The following SLC17A6 variants were observed in gnomAD, a reference collection of about 807,000 sequenced individuals.
The protein encoded by SLC17A6 is solute carrier family 17 member 6.
A neutral mutation model predicts 67.1 loss-of-function variants in SLC17A6; 35 were observed. The ratio of observed to expected loss-of-function variants is 0.52; its 90% CI spans 0.40 to 0.69. The LOEUF is 0.69. Ranked by LOEUF, SLC17A6 falls within the 30% of genes least tolerant of loss-of-function variation. The probability of loss-of-function intolerance (pLI) is 0.00; values close to 1 mark genes in which losing one functional copy is unlikely to be tolerated. For synonymous variants in SLC17A6, 285 were observed against 252.3 expected (o/e 1.13, Z -1.23); for missense variants, 588 against 723.9 (o/e 0.81, Z 2.15).
intron 3 of SLC17A6, among the ~76,000 whole-genome samples, chr11:22,354,601 G>A (rs979388730): frequency 6.6e-6 from 1 of 152,054 alleles, no homozygotes; most frequent in Admixed American, 6.6e-5. Flanking sequence ...ATCTTTCAAA[G>A]TTTATGTTAT....
chr11:22,351,988 A>G (rs954908927), intron 3 of SLC17A6, among the ~76,000 whole-genome samples: 2 of 152,178 alleles, frequency 1.3e-5, no homozygotes, highest in Admixed American at 6.5e-5. Flanking sequence ...CTAGCATCAG[A>G]CCAAACAAAA....
rs768048274 is a variant in SLC17A6 at position 22,343,342 on chromosome 11, C to CG, written c.436dup (p.Ala146GlyfsTer46). The CG allele has an allele frequency of 6.2e-7, 1 of 1,611,118 alleles. No individual in the cohort carries two copies. The highest frequency in any genetic ancestry group is 8.5e-7 in the Non-Finnish European group (1 of 1,179,280). ...TCACTCAGATTCCGGGAGGCTACAT[C>CG]GCGTCTCGGCTGGCAGCCAACAGGT... On this transcript the variant is annotated frameshift_variant, in exon 3 of 12. Coordinates refer to ENST00000263160, the MANE Select transcript of SLC17A6 (RefSeq NM_020346.3). LOFTEE classifies it high-confidence loss of function.
chr11:22,375,155 G>A (rs1355078737), intron 9 of SLC17A6, among the ~76,000 whole-genome samples: 2 of 151,848 alleles, frequency 1.3e-5, no homozygotes, highest in African/African-American at 2.4e-5. Context: ...GGTGGATCAC[G>A]AGGTCAGGAG....
chr11:22,347,201 G>A (rs1340037450), intron 3 of SLC17A6, among the ~76,000 whole-genome samples: 1 of 150,318 alleles, frequency 6.7e-6, no homozygotes, highest in Admixed American at 6.6e-5. Context: ...ATAAATACTC[G>A]TTAAATAAAT....
intron 3 of SLC17A6, among the ~76,000 whole-genome samples, chr11:22,351,157 AAAT>A (rs1855933169): frequency 6.6e-6 from 1 of 152,168 alleles, no homozygotes; most frequent in Non-Finnish European, 1.5e-5. Flanking sequence ...GAATTGAATC[AAAT>A]AATAAGTATA....
chr11:22,365,638 G>A lies in SLC17A6; in HGVS notation c.840G>A (p.Arg280=), dbSNP rs1036744610. ...KHPTITDEER[R]YIEESIGESA... is the part of the protein sequence containing the mutation. Reference sequence around the variant, plus strand: ...CTACTATTACAGATGAAGAACGTAGGTACATAGAAGAAAGCATTGGAGAGA... The same window carrying A: ...CTACTATTACAGATGAAGAACGTAGATACATAGAAGAAAGCATTGGAGAGA... Residue 280 remains arginine, a synonymous_variant, in exon 7 of 12, where the codon AGG becomes AGA. Coordinates refer to ENST00000263160, the MANE Select transcript of SLC17A6 (RefSeq NM_020346.3). 1 of 1,613,904 alleles carries A rather than the reference G, an allele frequency of 6.2e-7. No homozygotes were observed. Among genetic ancestry groups the A allele is most frequent in the Non-Finnish European group, 8.5e-7 (1 of 1,179,866 alleles).
chr11:22,340,607 G>T (rs1376880525), intron 1 of SLC17A6, among the ~76,000 whole-genome samples: 1 of 152,148 alleles, frequency 6.6e-6, no homozygotes, highest in Non-Finnish European at 1.5e-5. Flanking sequence ...CGCATTTTGC[G>T]TCTTGGGAAA....
At chr11:22,343,136 T>A in intron 2 of SLC17A6, 111 bp from the exon 3 acceptor site, 1 of 859,772 alleles carries the variant, frequency 1.2e-6, no homozygotes, top group Non-Finnish European at 1.9e-6. Flanking sequence ...ATCCCCAGAA[T>A]GCATGAAGCG....
intron 3 of SLC17A6, 56 bp downstream of exon 3, chr11:22,343,421 G>A: frequency 6.9e-7 from 1 of 1,454,774 alleles, no homozygotes; most frequent in Non-Finnish European, 9.4e-7. Context: ...CCTCCGAAGG[G>A]GCAGCAGAAG....
intron 3 of SLC17A6, among the ~76,000 whole-genome samples, chr11:22,346,354 T>C (rs1233644146): frequency 1.3e-5 from 2 of 152,158 alleles, no homozygotes; most frequent in Non-Finnish European, 2.9e-5. Context: ...ACAGCCCCAC[T>C]CTTGGTCACA....
rs1010654082 is a variant in SLC17A6, at chr11:22,353,443, A to G, written c.459-5970A>G. 3.7e-4 allele frequency among the ~76,000 whole-genome samples: 56 copies of G among 152,350 alleles called. 1 individual carries two copies. The highest frequency in any genetic ancestry group is 1.3e-3 in the African/African-American group (56 of 41,590). On this transcript the variant is annotated intron_variant, in intron 3 of 11. Transcript: ENST00000263160. ...CCTACAAGGAACAGACTGAGAAATG[A>G]GGCTAAAAGAATTTAAGTAATGACA...
chr11:22,347,322 A>C (rs184159788), intron 3 of SLC17A6, among the ~76,000 whole-genome samples: 106 of 152,252 alleles, frequency 7.0e-4, no homozygotes, highest in Non-Finnish European at 1.4e-3. Flanking sequence ...TAAGTAACTG[A>C]ATGATATAAA....
At position 22,376,599 on chromosome 11, in the gene SLC17A6, G is replaced by A. The variant is rs745766971; in HGVS notation, c.1340G>A (p.Gly447Asp). ...CCAAGATATGCCAGTATCTTAATGG[G>A]CATTTCGAATGGTGTTGGCACATTG... is the stretch of plus-strand genomic sequence containing the variant. ...IAPRYASILMGISNGVGTLSG... is the reference protein window; with the variant it reads ...IAPRYASILMDISNGVGTLSG... The change falls in exon 11 of 12, where the codon GGC (glycine) becomes GAC (aspartate). Residue 447 changes from glycine (G) to aspartate (D), a missense_variant. Gly to Asp is a moderately conservative substitution (Grantham distance 94, BLOSUM62 -1). This residue lies in a region of SLC17A6 where 414 missense variants were observed against 563.4 expected (regional missense o/e 0.73). Transcript: ENST00000263160. 2 of 1,613,904 alleles carry A rather than the reference G, an allele frequency of 1.2e-6. No homozygotes were observed. Among genetic ancestry groups the A allele is most frequent in the Non-Finnish European group, 8.5e-7 (1 of 1,179,864 alleles).
chr11:22,344,316 A>G (rs1466533813), intron 3 of SLC17A6, among the ~76,000 whole-genome samples: 1 of 152,172 alleles, frequency 6.6e-6, no homozygotes, highest in East Asian at 1.9e-4. Context: ...GAGGACTAGA[A>G]GTTGGCATCT....
intron 8 of SLC17A6, 87 bp from the exon 9 acceptor site, chr11:22,374,668 T>C (rs1442750406): frequency 9.9e-6 from 11 of 1,111,874 alleles, no homozygotes; most frequent in Non-Finnish European, 1.1e-5. Flanking sequence ...CATAAAGATG[T>C]GATGACAGAT....
intron 8 of SLC17A6, among the ~76,000 whole-genome samples, chr11:22,373,646 G>A (rs2053763): frequency 0.043 from 6,541 of 152,130 alleles, 451 homozygotes; most frequent in African/African-American, 0.15. Context: ...TTCGACTCAC[G>A]TAGAACTGAT....
intron 3 of SLC17A6, among the ~76,000 whole-genome samples, chr11:22,344,550 C>A (rs964840627): frequency 1.3e-5 from 2 of 152,098 alleles, no homozygotes; most frequent in Non-Finnish European, 2.9e-5. Flanking sequence ...TTTAAAATGT[C>A]AAGAGGAGAG....
At position 22,370,023 on chromosome 11, in the gene SLC17A6, CT is replaced by C; in HGVS notation, c.892-11del. 1 of 1,602,430 alleles carries C rather than the reference CT, an allele frequency of 6.2e-7. No homozygotes were observed. On this transcript the variant is annotated splice_polypyrimidine_tract_variant and intron_variant, in intron 7 of 11. Coordinates refer to ENST00000263160, the MANE Select transcript of SLC17A6 (RefSeq NM_020346.3). Reference sequence around the variant, plus strand: ...TATTTAAAATGGTCATAATGTCTCTCTTTTTGGAATTTCAGAAATTCAAGAC... The same window carrying C: ...TATTTAAAATGGTCATAATGTCTCTCTTTTGGAATTTCAGAAATTCAAGAC...
intron 3 of SLC17A6, 102 bp from the exon 4 acceptor site, chr11:22,359,310 AT>A (rs1001455424): frequency 1.3e-5 from 8 of 615,566 alleles, no homozygotes; most frequent in African/African-American, 1.9e-5. Context: ...ATTATTGGCG[AT>A]TTTTTTATTA....
Sources: gnomAD v4.1 joint callset for allele counts (sites outside exome capture counted in the v4.1 genomes callset) on GRCh38, gnomAD v4.1.1 for gene constraint, gnomAD v4.1.1 regional missense constraint, MANE v1.5 for transcripts, NCBI Gene and HGNC (gene_info 2026-07-23, HGNC 2026-07-21) for gene names.